ANKRD36C: variants seen among roughly 807,000 people sequenced by gnomAD.
The protein encoded by ANKRD36C is ankyrin repeat domain-containing protein 36C.
ANKRD36C carries 61 observed loss-of-function variants against 276.4 expected under a neutral mutation model. That is an observed-to-expected ratio of 0.22 (90% CI 0.18 to 0.27). The LOEUF (loss-of-function observed/expected upper bound fraction) is 0.27. Ranked by LOEUF, ANKRD36C falls within the 10% of genes least tolerant of loss-of-function variation. The pLI is 1.00. For synonymous variants in ANKRD36C, 483 were observed against 680.1 expected, an observed-to-expected ratio of 0.71 and a Z score of 4.51; for missense variants, 1,447 against 2,032.3, an observed-to-expected ratio of 0.71 and a Z score of 5.54.
intron 6 of ANKRD36C, among the ~76,000 whole-genome samples, chr2:95,971,547 T>G (rs1678698064): frequency 6.6e-6 from 1 of 152,082 alleles, no homozygotes; most frequent in South Asian, 2.1e-4. Flanking sequence ...ACTAATATAT[T>G]GCTATATTAC....
At chr2:95,910,438 C>A in intron 42 of ANKRD36C, 2 of 1,567,842 alleles carry the variant, frequency 1.3e-6, no homozygotes, top group African/African-American at 2.7e-5. Context: ...TTCCTCGTCA[C>A]TTGTAGCCTG....
At chr2:95,937,078 G>A (rs1366467530) in intron 22 of ANKRD36C, among the ~76,000 whole-genome samples, 6 of 151,768 alleles carry the variant, frequency 4.0e-5, no homozygotes, top group African/African-American at 1.5e-4. Flanking sequence ...TTACTGAGCA[G>A]TAAATAAGAA....
chr2:95,881,178 T>C (rs1256947065), intron 56 of ANKRD36C, among the ~76,000 whole-genome samples: 1 of 152,050 alleles, frequency 6.6e-6, no homozygotes, highest in Non-Finnish European at 1.5e-5. Flanking sequence ...TGAATCCTAG[T>C]AGTTAATATT....
chr2:95,983,419 A>C (rs1678959856), intron 3 of ANKRD36C, among the ~76,000 whole-genome samples: 2 of 151,432 alleles, frequency 1.3e-5, no homozygotes, highest in Non-Finnish European at 2.9e-5. Context: ...AACTCCTTTA[A>C]AAATTTATTT....
At chr2:95,965,878 T>C (rs1167427975) in intron 6 of ANKRD36C, among the ~76,000 whole-genome samples, 1 of 152,138 alleles carries the variant, frequency 6.6e-6, no homozygotes, top group African/African-American at 2.4e-5. Flanking sequence ...AAAATCAAGT[T>C]CTACATGTTA....
At chr2:95,873,511 T>C (rs1467932350) in intron 59 of ANKRD36C, among the ~76,000 whole-genome samples, 3 of 152,184 alleles carry the variant, frequency 2.0e-5, no homozygotes, top group African/African-American at 2.4e-5. Context: ...ATTGATGGGA[T>C]GTATTTCAAA....
At chr2:95,933,990 C>A (rs1368418199) in intron 24 of ANKRD36C, among the ~76,000 whole-genome samples, 1 of 152,300 alleles carries the variant, frequency 6.6e-6, no homozygotes, top group East Asian at 1.9e-4. Flanking sequence ...AGCCAGTAAA[C>A]ATATGAAAAA....
At chr2:95,970,462 T>C (rs1678675141) in intron 6 of ANKRD36C, among the ~76,000 whole-genome samples, 1 of 152,124 alleles carries the variant, frequency 6.6e-6, no homozygotes. Flanking sequence ...TATGGCAAGT[T>C]GCCAGGGAGT....
intron 44 of ANKRD36C, 108 bp from the exon 63 acceptor site, chr2:95,893,832 T>TA: frequency 6.4e-7 from 1 of 1,563,988 alleles, no homozygotes; most frequent in Non-Finnish European, 8.6e-7. Context: ...TGTATTAGCG[T>TA]AGGCTTTAAT....
intron 3 of ANKRD36C, among the ~76,000 whole-genome samples, chr2:95,986,064 G>A (rs1485967873): frequency 1.3e-5 from 2 of 151,718 alleles, no homozygotes; most frequent in African/African-American, 4.9e-5. Flanking sequence ...TTGATCCCTG[G>A]GCAATTTCAC....
chr2:95,917,815 C>G (rs763940560), intron 36 of ANKRD36C, 40 bp downstream of exon 38: 1 of 1,564,082 alleles, frequency 6.4e-7, no homozygotes, highest in Non-Finnish European at 8.7e-7. Context: ...TCTTTTCTAT[C>G]TGGATTGAAC....
intron 6 of ANKRD36C, among the ~76,000 whole-genome samples, chr2:95,968,898 T>G (rs1444227244): frequency 6.6e-6 from 1 of 152,204 alleles, no homozygotes; most frequent in Admixed American, 6.5e-5. Flanking sequence ...TAAAGAATAT[T>G]AAAGGATACA....
chr2:95,884,087 G>A (rs879740295), intron 54 of ANKRD36C, 86 bp downstream of exon 74: 36 of 1,435,502 alleles, frequency 2.5e-5, no homozygotes, highest in Middle Eastern at 2.4e-4. Flanking sequence ...GTGCAGCTTC[G>A]ACGAGCCCTC....
At chr2:95,898,158 T>C (rs1413112370) in intron 44 of ANKRD36C, among the ~76,000 whole-genome samples, 1 of 149,708 alleles carries the variant, frequency 6.7e-6, no homozygotes, top group Non-Finnish European at 1.5e-5. Flanking sequence ...TCAATAAAAA[T>C]ATCATCAATT....
At chr2:95,864,287 A>G (rs1675641916) in intron 60 of ANKRD36C, among the ~76,000 whole-genome samples, 1 of 152,080 alleles carries the variant, frequency 6.6e-6, no homozygotes, top group South Asian at 2.1e-4. Context: ...ATTTACCACA[A>G]AACAAACTGA....
intron 34 of ANKRD36C, 124 bp downstream of exon 34, chr2:95,921,483 C>T (rs569037472): frequency 3.3e-4 from 442 of 1,341,948 alleles, no homozygotes; most frequent in Non-Finnish European, 4.3e-4. Flanking sequence ...ACTCTCAGGC[C>T]TACTGAATCA....
At chr2:95,912,185 G>A (rs1236989116) in intron 42 of ANKRD36C, 59 bp downstream of exon 44, 14 of 1,536,122 alleles carry the variant, frequency 9.1e-6, no homozygotes, top group East Asian at 7.4e-5. Context: ...TGATTTATTC[G>A]GGGAAGAGAA....
chr2:95,888,873 A>G (rs931357081), intron 48 of ANKRD36C, among the ~76,000 whole-genome samples: 1 of 151,688 alleles, frequency 6.6e-6, no homozygotes, highest in African/African-American at 2.4e-5. Flanking sequence ...TTAGATATTA[A>G]TAAGTTTTAC....
chr2:95,908,961 C>G (rs1056749226), intron 42 of ANKRD36C, among the ~76,000 whole-genome samples: 5 of 151,114 alleles, frequency 3.3e-5, no homozygotes, highest in African/African-American at 1.2e-4. Flanking sequence ...ATGTCAATAT[C>G]AACGTGGATA....
Sources: gnomAD v4.1 joint callset for allele counts (sites outside exome capture counted in the v4.1 genomes callset) on GRCh38, gnomAD v4.1.1 for gene constraint, MANE v1.5 for transcripts, NCBI Gene and HGNC (gene_info 2026-07-23, HGNC 2026-07-21) for gene names.